Variants in CNTN4 observed in about 807,000 individuals in gnomAD.
CNTN4 encodes the protein contactin-4.
CNTN4 carries 77 observed loss-of-function variants against 122.5 expected under a neutral mutation model. The observed-to-expected ratio is 0.63, with a 90% CI of 0.52 to 0.76. The LOEUF is 0.76. CNTN4 is among the 30% of genes least tolerant of loss of function. CNTN4 has a pLI of 0.00. For synonymous variants in CNTN4, 512 were observed against 447.0 expected, an observed-to-expected ratio of 1.15 and a Z score of -1.83; for missense variants, 1,256 against 1,259.1, an observed-to-expected ratio of 1.00 and a Z score of 0.04.
chr3:2,757,384 T>C (rs2090386331), intron 6 of CNTN4, among the ~76,000 whole-genome samples: 1 of 152,220 alleles, frequency 6.6e-6, no homozygotes, highest in African/African-American at 2.4e-5. Context: ...AGTCCCGCTC[T>C]CTGGACTTCT....
intron 2 of CNTN4, among the ~76,000 whole-genome samples, chr3:2,295,420 G>T (rs1575296545): frequency 7.4e-6 from 1 of 135,584 alleles, no homozygotes; most frequent in Admixed American, 7.3e-5. Context: ...GCATTTCTCT[G>T]ATATCCAGTG....
intron 13 of CNTN4, among the ~76,000 whole-genome samples, chr3:2,947,130 C>T (rs1042745457): frequency 3.6e-4 from 55 of 152,284 alleles, no homozygotes; most frequent in African/African-American, 1.3e-3. Context: ...GTGTCAGTTG[C>T]TGCTTATCAT....
At chr3:2,489,810 C>T (rs964743296) in intron 3 of CNTN4, among the ~76,000 whole-genome samples, 2 of 152,118 alleles carry the variant, frequency 1.3e-5, no homozygotes, top group African/African-American at 4.8e-5. Flanking sequence ...TTCTACTTTC[C>T]TCCCTTCCAA....
At chr3:2,581,654 G>C (rs1415819346) in intron 4 of CNTN4, among the ~76,000 whole-genome samples, 4 of 152,106 alleles carry the variant, frequency 2.6e-5, no homozygotes. Context: ...AGTTTTTCCA[G>C]AGAACCTGCA....
intron 2 of CNTN4, among the ~76,000 whole-genome samples, chr3:2,226,793 A>G (rs991536266): frequency 4.6e-5 from 7 of 152,210 alleles, no homozygotes; most frequent in Non-Finnish European, 5.9e-5. Context: ...TAGACTATAT[A>G]TTATTGAATA....
At chr3:2,120,578 T>G (rs1165070608) in intron 2 of CNTN4, among the ~76,000 whole-genome samples, 1 of 150,982 alleles carries the variant, frequency 6.6e-6, no homozygotes, top group Non-Finnish European at 1.5e-5. Flanking sequence ...AATTTTTGTA[T>G]TTTTAGTAGA....
chr3:2,543,571 C>T (rs2078117302), intron 3 of CNTN4, among the ~76,000 whole-genome samples: 1 of 152,034 alleles, frequency 6.6e-6, no homozygotes, highest in African/African-American at 2.4e-5. Flanking sequence ...GGCTTCACAG[C>T]TTCATCGATT....
At chr3:2,321,429 G>A (rs1403042928) in intron 2 of CNTN4, among the ~76,000 whole-genome samples, 2 of 152,116 alleles carry the variant, frequency 1.3e-5, no homozygotes, top group African/African-American at 2.4e-5. Flanking sequence ...TCTTTCCAGA[G>A]TGACCTGTAC....
At chr3:2,882,481 G>A (rs1375787835) in intron 8 of CNTN4, among the ~76,000 whole-genome samples, 1 of 152,158 alleles carries the variant, frequency 6.6e-6, no homozygotes, top group African/African-American at 2.4e-5. Context: ...GTCATTTTCC[G>A]GGATATAGGA....
At chr3:2,271,974 C>T (rs1475136716) in intron 2 of CNTN4, among the ~76,000 whole-genome samples, 2 of 151,958 alleles carry the variant, frequency 1.3e-5, no homozygotes, top group African/African-American at 2.4e-5. Flanking sequence ...AATATGGAAA[C>T]ATGTTCACAA....
intron 2 of CNTN4, among the ~76,000 whole-genome samples, chr3:2,135,522 C>A (rs1012033964): frequency 6.6e-6 from 1 of 151,530 alleles, no homozygotes; most frequent in Non-Finnish European, 1.5e-5. Context: ...TAGTACAGAA[C>A]TTTAGACTTG....
intron 12 of CNTN4, among the ~76,000 whole-genome samples, chr3:2,920,289 A>G (rs6765120): frequency 0.25 from 13,258 of 52,968 alleles, 2,734 homozygotes; most frequent in East Asian, 0.4. Context: ...GGTTTCCAGG[A>G]GTTACAGAGG....
intron 13 of CNTN4, among the ~76,000 whole-genome samples, chr3:2,938,727 G>C (rs2094586811): frequency 6.6e-6 from 1 of 152,158 alleles, no homozygotes; most frequent in Non-Finnish European, 1.5e-5. Context: ...CATTTCCTGA[G>C]AGGGAGAGAG....
At chr3:2,140,091 T>A (rs977875567) in intron 2 of CNTN4, among the ~76,000 whole-genome samples, 3 of 152,176 alleles carry the variant, frequency 2.0e-5, no homozygotes, top group Non-Finnish European at 4.4e-5. Flanking sequence ...CCTGCCGCCA[T>A]GTAAGATGTG....
chr3:2,373,543 G>GTT (rs2045709748), intron 3 of CNTN4, among the ~76,000 whole-genome samples: 1 of 152,208 alleles, frequency 6.6e-6, no homozygotes, highest in Non-Finnish European at 1.5e-5. Flanking sequence ...GCAAGCTGCA[G>GTT]TTTTTGTCTA....
intron 3 of CNTN4, among the ~76,000 whole-genome samples, chr3:2,368,973 G>C (rs1333787990): frequency 6.6e-6 from 1 of 152,128 alleles, no homozygotes; most frequent in Non-Finnish European, 1.5e-5. Context: ...TGCCCAGGTT[G>C]GAGTGCAGTG....
chr3:2,322,072 C>A (rs902709700), intron 2 of CNTN4, among the ~76,000 whole-genome samples: 1 of 152,110 alleles, frequency 6.6e-6, no homozygotes, highest in South Asian at 2.1e-4. Context: ...TGAAAAAATT[C>A]TCTACTTATG....
At chr3:2,279,494 G>A (rs1030116074) in intron 2 of CNTN4, among the ~76,000 whole-genome samples, 7 of 152,144 alleles carry the variant, frequency 4.6e-5, no homozygotes, top group African/African-American at 1.4e-4. Flanking sequence ...TGACACGTGC[G>A]AGACATTCTG....
intron 3 of CNTN4, among the ~76,000 whole-genome samples, chr3:2,429,603 CA>C (rs1260264420): frequency 6.6e-6 from 1 of 152,204 alleles, no homozygotes; most frequent in Non-Finnish European, 1.5e-5. Flanking sequence ...CTACTCTCTT[CA>C]AAGCTGTCAG....
Sources: allele counts gnomAD v4.1 joint callset (sites outside exome capture counted in the v4.1 genomes callset), GRCh38; gene constraint gnomAD v4.1.1; transcripts MANE v1.5; gene names NCBI Gene and HGNC (gene_info 2026-07-23, HGNC 2026-07-21).